ADGRG5: variants seen among roughly 807,000 people sequenced by gnomAD.
ADGRG5 encodes the protein G protein-coupled receptor 114.
ADGRG5 carries 37 observed loss-of-function variants against 53.2 expected under a neutral mutation model. The observed-to-expected ratio is 0.70, with a 90% CI of 0.53 to 0.91. The LOEUF (loss-of-function observed/expected upper bound fraction) is 0.91, where lower values mean the gene tolerates loss of function less well. Ranked by LOEUF, ADGRG5 falls within the 40% of genes least tolerant of loss-of-function variation. The pLI is 0.00. For synonymous variants in ADGRG5, 277 were observed against 290.4 expected, an observed-to-expected ratio of 0.95 and a Z score of 0.47; for missense variants, 614 against 675.8, an observed-to-expected ratio of 0.91 and a Z score of 1.01.
chr16:57,533,557 CCT>C, the ADGRG5 span, among the ~76,000 whole-genome samples: 1 of 151,316 alleles, frequency 6.6e-6, no homozygotes, highest in Non-Finnish European at 1.5e-5. Context: ...CCCCCAGGGA[CCT>C]GCACTCACAC....
intron 1 of ADGRG5, among the ~76,000 whole-genome samples, chr16:57,556,381 T>C (rs2032883509): frequency 6.6e-6 from 1 of 152,230 alleles, no homozygotes; most frequent in Non-Finnish European, 1.5e-5. Context: ...GTTCTTTGTT[T>C]CTTTTTCTTC....
intron 9 of ADGRG5, among the ~76,000 whole-genome samples, chr16:57,569,205 C>G (rs1596796150): frequency 6.6e-6 from 1 of 151,348 alleles, no homozygotes; most frequent in South Asian, 2.1e-4. Flanking sequence ...CCTCCACCAC[C>G]TCCTCCACTT....
intron 10 of ADGRG5, among the ~76,000 whole-genome samples, chr16:57,571,625 A>G (rs976521758): frequency 6.6e-6 from 1 of 151,652 alleles, no homozygotes; most frequent in Non-Finnish European, 1.5e-5. Context: ...CTCAGTTTAC[A>G]TACTCTCTGA....
At chr16:57,538,209 A>G (rs1043395615), upstream of ADGRG5, among the ~76,000 whole-genome samples, 10 of 152,192 alleles carry the variant, frequency 6.6e-5, no homozygotes, top group Non-Finnish European at 7.3e-5. Context: ...GTAGAACCAA[A>G]GTAGGTGCTG....
Position 57,554,627 on chromosome 16 carries a change from T to C in ADGRG5, c.-38-7429T>C, listed in dbSNP as rs538560410. On this transcript the variant is annotated intron_variant, in intron 1 of 11. Transcript: ENST00000349457. ...TCCTGACTTTGTGATCCGCCCACCT[T>C]GGCCTCCCAAAGTGCTGGGATTACA... 7.4e-4 allele frequency among the ~76,000 whole-genome samples: 112 copies of C among 152,272 alleles called. No homozygotes were observed. In the Middle Eastern group the frequency reaches 0.01, roughly 14 times the overall value.
chr16:57,539,454 C>CTTT (rs35729717), upstream of ADGRG5, among the ~76,000 whole-genome samples: 1,866 of 141,484 alleles, frequency 0.013, 53 homozygotes, highest in African/African-American at 0.047. Flanking sequence ...CACTGTACCC[C>CTTT]TTTTTTTTTT....
At chr16:57,544,953 A>T (rs1315635504) in intron 1 of ADGRG5, among the ~76,000 whole-genome samples, 1 of 151,762 alleles carries the variant, frequency 6.6e-6, no homozygotes, top group Non-Finnish European at 1.5e-5. Context: ...TTTAATGTTT[A>T]ATTTTGTAGA....
chr16:57,564,519 C>G (rs1229483247), intron 5 of ADGRG5, among the ~76,000 whole-genome samples: 14 of 152,180 alleles, frequency 9.2e-5, no homozygotes, highest in African/African-American at 2.9e-4. Flanking sequence ...CCAGGCTGAT[C>G]TTGAACTCCT....
chr16:57,566,511 T>C, intron 6 of ADGRG5, 88 bp from the exon 7 acceptor site: 2 of 1,174,324 alleles, frequency 1.7e-6, no homozygotes, highest in Non-Finnish European at 1.1e-6. Context: ...AAATGTGCAG[T>C]TGAGTCACCG....
chr16:57,532,734 CAG>C, the ADGRG5 span, among the ~76,000 whole-genome samples: 1 of 139,552 alleles, frequency 7.2e-6, no homozygotes, highest in Non-Finnish European at 1.6e-5. Flanking sequence ...CACACACACA[CAG>C]AGGCAGACAC....
the ADGRG5 span, among the ~76,000 whole-genome samples, chr16:57,534,873 T>C: frequency 3.0e-4 from 46 of 152,344 alleles, no homozygotes; most frequent in African/African-American, 1.1e-3. Flanking sequence ...GGAAGCCTAA[T>C]TGACCCACTG....
the ADGRG5 span, among the ~76,000 whole-genome samples, chr16:57,535,447 C>T: frequency 1.3e-5 from 2 of 152,314 alleles, no homozygotes; most frequent in East Asian, 3.9e-4. Context: ...GTCCACACCG[C>T]GGACCAGCAG....
the ADGRG5 span, chr16:57,529,315 C>T: frequency 9.1e-7 from 1 of 1,101,856 alleles, no homozygotes; most frequent in Non-Finnish European, 1.1e-6. This position sits in a 1 kb window ranked among gnomAD's most constrained non-coding sequence, Gnocchi z 4.1. Flanking sequence ...CGGAGGACGC[C>T]TCCTCGGACC....
intron 1 of ADGRG5, among the ~76,000 whole-genome samples, chr16:57,550,343 T>A (rs2032718256): frequency 6.6e-6 from 1 of 152,238 alleles, no homozygotes; most frequent in Non-Finnish European, 1.5e-5. Context: ...TTGGGTTGTT[T>A]GTCCTCTTAT....
the ADGRG5 span, among the ~76,000 whole-genome samples, chr16:57,536,034 C>T: frequency 6.6e-6 from 1 of 152,168 alleles, no homozygotes; most frequent in Non-Finnish European, 1.5e-5. Context: ...GAGGGGGTTC[C>T]CGGCCCGCGC....
At chr16:57,568,779 C>T (rs2033229912) in intron 9 of ADGRG5, among the ~76,000 whole-genome samples, 1 of 151,080 alleles carries the variant, frequency 6.6e-6, no homozygotes, top group Non-Finnish European at 1.5e-5. Context: ...CCTCTGTCAC[C>T]TCCATCACTA....
At chr16:57,567,771 C>G in intron 8 of ADGRG5, 85 bp from the exon 9 acceptor site, 1 of 1,494,354 alleles carries the variant, frequency 6.7e-7, no homozygotes, top group Non-Finnish European at 9.0e-7. Context: ...CTCAGTTTCC[C>G]TGTCGGCATG....
intron 1 of ADGRG5, among the ~76,000 whole-genome samples, chr16:57,550,915 C>A (rs1470114483): frequency 1.3e-5 from 2 of 152,158 alleles, no homozygotes; most frequent in Non-Finnish European, 1.5e-5. Flanking sequence ...GTAATCCCAT[C>A]TACTTGGGAG....
intron 1 of ADGRG5, among the ~76,000 whole-genome samples, chr16:57,555,584 AT>A (rs2032865309): frequency 1.3e-5 from 2 of 152,098 alleles, no homozygotes; most frequent in African/African-American, 4.8e-5. Flanking sequence ...TGGTTTGTCA[AT>A]TTCTCCTTTT....
Sources: allele counts gnomAD v4.1 joint callset (sites outside exome capture counted in the v4.1 genomes callset), GRCh38; gene constraint gnomAD v4.1.1; non-coding constraint Gnocchi (gnomAD v3.1); transcripts MANE v1.5; gene names NCBI Gene and HGNC (gene_info 2026-07-23, HGNC 2026-07-21).